The following NPEPL1 variants were observed in gnomAD, a reference collection of about 807,000 sequenced individuals.
NPEPL1 encodes aminopeptidase like 1.
Under a neutral mutation model 52.4 loss-of-function variants are expected in NPEPL1, and 45 were observed. The ratio of observed to expected loss-of-function variants is 0.86; its 90% CI spans 0.68 to 1.10. The LOEUF is 1.10. NPEPL1 is among the 50% of genes least tolerant of loss of function. NPEPL1 has a pLI of 0.00. For missense variants in NPEPL1, 696 were observed against 710.9 expected (o/e 0.98, Z 0.24); for synonymous variants, 360 against 314.7 (o/e 1.14, Z -1.52).
intron 4 of NPEPL1, among the ~76,000 whole-genome samples, 176 bp downstream of exon 4, chr20:58,698,949 G>A (rs895371329): frequency 6.6e-5 from 10 of 152,230 alleles, no homozygotes; most frequent in Non-Finnish European, 1.5e-4. Flanking sequence ...AGGAAAGGGT[G>A]TGTGGGGAGG....
intron 7 of NPEPL1, chr20:58,710,949 T>G (rs2084823027): frequency 6.6e-6 from 1 of 152,300 alleles, no homozygotes; most frequent in African/African-American, 2.4e-5. Flanking sequence ...ATATGGGTTC[T>G]CAGCTCTGCC....
chr20:58,695,967 C>T (rs988486873), intron 3 of NPEPL1, among the ~76,000 whole-genome samples: 65 of 152,340 alleles, frequency 4.3e-4, no homozygotes, highest in African/African-American at 1.5e-3. Flanking sequence ...CACCTCTCGG[C>T]ATCCCCTTCA....
At chr20:58,699,412 C>T (rs1220976092) in intron 5 of NPEPL1, 134 bp downstream of exon 5, 2 of 716,662 alleles carry the variant, frequency 2.8e-6, no homozygotes, top group Admixed American at 2.8e-5. Flanking sequence ...AGGAATCAGC[C>T]TGTGTCCAAG....
intron 2 of NPEPL1, 127 bp from the exon 3 acceptor site, chr20:58,694,295 G>A (rs1161996080): frequency 2.1e-6 from 2 of 966,284 alleles, no homozygotes; most frequent in Admixed American, 2.6e-5. Context: ...GGCGGCTGCT[G>A]TGGGACATCT....
chr20:58,698,627 C>T (rs1277048561), intron 3 of NPEPL1, 57 bp from the exon 4 acceptor site: 3 of 1,396,174 alleles, frequency 2.1e-6, no homozygotes, highest in Non-Finnish European at 3.0e-6. Flanking sequence ...GGGGGATGGA[C>T]AAGGGGAGAA....
chr20:58,692,781 G>A, upstream of NPEPL1: 1 of 967,818 alleles, frequency 1.0e-6, no homozygotes, highest in African/African-American at 1.8e-5. The surrounding 1 kb of genome is among the most constrained non-coding windows in gnomAD (Gnocchi z 5.7). Context: ...GGGGAGGCGG[G>A]GCCCGCGGGC....
chr20:58,700,894 C>A, intron 5 of NPEPL1, 122 bp from the exon 6 acceptor site: 1 of 1,058,748 alleles, frequency 9.4e-7, no homozygotes, highest in East Asian at 3.2e-5. Flanking sequence ...GCAGGGAGCA[C>A]CAGGCTCAGG....
chr20:58,695,452 G>T (rs1174356152), intron 3 of NPEPL1, among the ~76,000 whole-genome samples: 2 of 152,204 alleles, frequency 1.3e-5, no homozygotes, highest in Non-Finnish European at 2.9e-5. Context: ...CCCAGCTCCA[G>T]ATCCTTGGAT....
intron 6 of NPEPL1, chr20:58,703,395 GT>G: frequency 3.3e-6 from 3 of 910,328 alleles, no homozygotes; most frequent in Non-Finnish European, 3.9e-6. Flanking sequence ...CTTCTAGTCG[GT>G]TATGATTCCT....
In NPEPL1 at chr20:58,694,934, G is replaced by A. The variant is rs965260334; in HGVS notation, c.507+342G>A. Among the ~76,000 whole-genome samples the A allele has an allele frequency of 1.5e-4, 20 of 129,940 alleles. No individual in the cohort carries two copies. The South Asian group carries it at 2.0e-3, about 13-fold the overall frequency. 85.2% of individuals were successfully genotyped at this position (129,940 alleles called of 152,430 possible). On this transcript the variant is annotated intron_variant, in intron 3 of 11. Transcript: ENST00000356091. ...TGTATGCACGTGTGTGTGTATGTGC[G>A]TGCACATGTGTGTTGCTGTGCGTGT...
Position 58,708,299 on chromosome 20 carries a change from C to G in NPEPL1, c.900+1099C>G, listed in dbSNP as rs944201151. Among the ~76,000 whole-genome samples the G allele has an allele frequency of 5.1e-4, 78 of 152,226 alleles. 1 individual carries two copies. The highest frequency in any genetic ancestry group is 1.7e-3 in the African/African-American group (72 of 41,474). ...GAGGAAGGAGCTCCTTCTGCCGGGG[C>G]TTCCCAGCTGGCCGTGCACATTCCA... is the stretch of plus-strand genomic sequence containing the variant. On this transcript the variant is annotated intron_variant, in intron 7 of 11. Coordinates refer to ENST00000356091, the MANE Select transcript of NPEPL1 (RefSeq NM_024663.4).
chr20:58,714,711 C>A, intron 11 of NPEPL1, 41 bp downstream of exon 11: 1 of 1,476,310 alleles, frequency 6.8e-7, no homozygotes, highest in South Asian at 1.2e-5. Context: ...CTGCTCCCGC[C>A]CGCTTGTCCA....
At chr20:58,708,232 A>G (rs959289479) in intron 7 of NPEPL1, among the ~76,000 whole-genome samples, 1 of 152,222 alleles carries the variant, frequency 6.6e-6, no homozygotes, top group Non-Finnish European at 1.5e-5. Context: ...TCCAATCTGG[A>G]GGGTCCTGCT....
At position 58,693,749 on chromosome 20, in the gene NPEPL1, G is replaced by T. The variant is rs1457938496; in HGVS notation, c.163G>T (p.Ala55Ser). 1.2e-6 allele frequency: 2 copies of T among 1,606,922 alleles called. No individual in the cohort carries two copies. The highest frequency in any genetic ancestry group is 1.7e-6 in the Non-Finnish European group (2 of 1,174,698). Reference protein sequence around the residue: ...PRVTEELWQAALSTLNPNPTD... With the variant: ...PRVTEELWQASLSTLNPNPTD... ...CCTTCTGATCTAGCTCTGGCAGGCT[G>T]CCCTGAGCACGCTCAACCCCAACCC... The change falls in exon 2 of 12, where the codon GCC becomes TCC. Residue 55 changes from alanine (A) to serine (S), a missense_variant. Ala to Ser is a moderately conservative substitution (Grantham distance 99). Coordinates refer to ENST00000356091, the MANE Select transcript of NPEPL1 (RefSeq NM_024663.4).
At chr20:58,690,896 A>G, upstream of NPEPL1, 1 of 488,840 alleles carries the variant, frequency 2.0e-6, no homozygotes, top group Non-Finnish European at 3.6e-6. Context: ...ATCCCTCTTC[A>G]GTTTGCAAAA....
At chr20:58,707,862 G>T (rs577957002) in intron 7 of NPEPL1, among the ~76,000 whole-genome samples, 3 of 152,304 alleles carry the variant, frequency 2.0e-5, no homozygotes, top group Middle Eastern at 3.4e-3. Context: ...AGGATGGCTT[G>T]AAAGCCAGAA....
chr20:58,702,902 G>A (rs1289666672), intron 6 of NPEPL1, among the ~76,000 whole-genome samples: 2 of 152,230 alleles, frequency 1.3e-5, no homozygotes, highest in Admixed American at 1.3e-4. Flanking sequence ...GTTCTTCAGG[G>A]TGGATTCTTG....
upstream of NPEPL1, among the ~76,000 whole-genome samples, chr20:58,690,771 G>T (rs1159556900): frequency 2.6e-5 from 4 of 152,158 alleles, no homozygotes; most frequent in Non-Finnish European, 5.9e-5. Context: ...TCTTAAATAT[G>T]AAAGAATTCT....
chr20:58,703,714 C>T (rs2084681734), intron 6 of NPEPL1: 4 of 984,682 alleles, frequency 4.1e-6, no homozygotes, highest in Non-Finnish European at 4.8e-6. Context: ...TGCAGTTAGT[C>T]AGCTCCCGGC....
Sources: gnomAD v4.1 joint callset for allele counts (sites outside exome capture counted in the v4.1 genomes callset) on GRCh38, gnomAD v4.1.1 for gene constraint, Gnocchi (gnomAD v3.1) non-coding constraint, MANE v1.5 for transcripts, NCBI Gene and HGNC (gene_info 2026-07-23, HGNC 2026-07-21) for gene names.